PLAAT3: variants seen among roughly 807,000 people sequenced by gnomAD.
The protein encoded by PLAAT3 is phospholipase A and acyltransferase 3, also known as Ca-independent phospholipase A1/2.
PLAAT3 carries 21 observed loss-of-function variants against 16.7 expected under a neutral mutation model. The observed-to-expected ratio is 1.26, with a 90% CI of 0.89 to 1.81. PLAAT3 has a LOEUF of 1.81. PLAAT3 is among the 40% of genes most tolerant of loss of function. The pLI is 0.00. For missense variants in PLAAT3, 219 were observed against 213.7 expected, an observed-to-expected ratio of 1.02 and a Z score of -0.16; for synonymous variants, 76 against 81.7, an observed-to-expected ratio of 0.93 and a Z score of 0.38.
chr11:63,599,713 GA>G (rs146773613), intron 2 of PLAAT3, among the ~76,000 whole-genome samples: 4,226 of 147,018 alleles, frequency 0.029, 191 homozygotes, highest in African/African-American at 0.097. Context: ...TGTTTTCCAG[GA>G]AAAAAAAAAG....
At position 63,590,158 on chromosome 11, in the gene PLAAT3, C is replaced by T; in HGVS notation, c.329G>A (p.Ser110Asn). The T allele has an allele frequency of 6.2e-7, 1 of 1,614,254 alleles. No individual in the cohort carries two copies. The highest frequency in any genetic ancestry group is 8.5e-7 in the Non-Finnish European group (1 of 1,180,046). The change falls in exon 4 of 5, where the codon AGT becomes AAT. Residue 110 changes from serine (S) to asparagine (N), a missense_variant. Ser to Asn is a conservative substitution (Grantham distance 46). Transcript: ENST00000415826. ...VGQEVLYKLT[S>N]ENCEHFVNEL... ...ATTCACAAAGTGCTCGCAGTTCTCA[C>T]TGGTCAGCTTGTAGAGCACCTCCTG...
chr11:63,577,387 C>T (rs1590678670), intron 4 of PLAAT3, among the ~76,000 whole-genome samples: 1 of 152,022 alleles, frequency 6.6e-6, no homozygotes, highest in East Asian at 1.9e-4. Flanking sequence ...GGCCAGGCTG[C>T]TCTCGAACTC....
intron 3 of PLAAT3, among the ~76,000 whole-genome samples, chr11:63,594,364 A>C (rs1938229369): frequency 6.6e-6 from 1 of 152,154 alleles, no homozygotes; most frequent in South Asian, 2.1e-4. Context: ...ATTTAGGGAA[A>C]TGAGAGAGGA....
At chr11:63,611,862 G>A (rs1160340757) in intron 2 of PLAAT3, among the ~76,000 whole-genome samples, 1 of 152,242 alleles carries the variant, frequency 6.6e-6, no homozygotes, top group African/African-American at 2.4e-5. Context: ...TGATGGGCCG[G>A]GCGCGGTGGC....
chr11:63,605,177 C>G (rs1442712594), intron 2 of PLAAT3, among the ~76,000 whole-genome samples: 1 of 151,912 alleles, frequency 6.6e-6, no homozygotes, highest in Non-Finnish European at 1.5e-5. Flanking sequence ...GGTGGATCAC[C>G]TGAGGTCAAG....
At chr11:63,587,070 C>A (rs1215960872) in intron 4 of PLAAT3, among the ~76,000 whole-genome samples, 1 of 152,154 alleles carries the variant, frequency 6.6e-6, no homozygotes, top group Non-Finnish European at 1.5e-5. Flanking sequence ...GGTGACGAAA[C>A]AAGACTCTGT....
At chr11:63,611,530 T>A (rs560305652) in intron 2 of PLAAT3, among the ~76,000 whole-genome samples, 2 of 152,370 alleles carry the variant, frequency 1.3e-5, no homozygotes, top group African/African-American at 4.8e-5. Context: ...CACGCAGTTA[T>A]CAGTTCCTGA....
intron 4 of PLAAT3, among the ~76,000 whole-genome samples, chr11:63,577,669 A>G (rs1178649954): frequency 2.0e-5 from 3 of 152,240 alleles, no homozygotes; most frequent in Non-Finnish European, 1.5e-5. Flanking sequence ...ACCACTGGAG[A>G]ATAAGACAGC....
intron 3 of PLAAT3, among the ~76,000 whole-genome samples, chr11:63,594,393 G>T (rs1277673177): frequency 6.6e-6 from 1 of 152,072 alleles, no homozygotes; most frequent in Non-Finnish European, 1.5e-5. Flanking sequence ...CCACACAAGA[G>T]ACCAAAAAAG....
chr11:63,614,360 T>C, intron 1 of PLAAT3, 25 bp downstream of exon 1: 1 of 326,354 alleles, frequency 3.1e-6, no homozygotes, highest in South Asian at 6.7e-5. Context: ...TATCGCACCC[T>C]TCCAGGAAGA....
At chr11:63,581,718 G>GA (rs1473881331) in intron 4 of PLAAT3, among the ~76,000 whole-genome samples, 1 of 152,186 alleles carries the variant, frequency 6.6e-6, no homozygotes, top group Non-Finnish European at 1.5e-5. Flanking sequence ...AAAACTTGCT[G>GA]ATTTTGTGGC....
At position 63,574,957 on chromosome 11, in the gene PLAAT3, T is replaced by A. The variant is rs763585398; in HGVS notation, c.477A>T (p.Arg159=). 6.2e-7 allele frequency: 1 copy of A among 1,605,096 alleles called. No individual in the cohort carries two copies. Among genetic ancestry groups the A allele is most frequent in the South Asian group, 1.1e-5 (1 of 90,932 alleles). The part of the protein sequence containing the change: ...LIGVMFSRNK[R]QKQ ...CAGTCTTTTTCAGTTATTGCTTTTG[T>A]CGCTTGTTTCTTGAGAACATGACTC... Residue 159 remains arginine, a synonymous_variant, in exon 5 of 5, where the codon CGA becomes CGT. Transcript: ENST00000415826.
At chr11:63,606,462 A>ACACACACACACACACACACC (rs945885416) in intron 2 of PLAAT3, among the ~76,000 whole-genome samples, 1 of 136,498 alleles carries the variant, frequency 7.3e-6, no homozygotes, top group African/African-American at 3.1e-5. Context: ...ACACACACAC[A>ACACACACACACACACACACC]CCTTAGTAAA....
intron 4 of PLAAT3, among the ~76,000 whole-genome samples, chr11:63,589,409 CAAAGAAAAAA>C (rs1203762183): frequency 6.5e-5 from 2 of 30,750 alleles, no homozygotes; most frequent in Admixed American, 3.2e-4. Flanking sequence ...TTCACCTATG[CAAAGAAAAAA>C]AAAAAAAAAA....
At chr11:63,579,656 G>C (rs1937737514) in intron 4 of PLAAT3, among the ~76,000 whole-genome samples, 3 of 144,406 alleles carry the variant, frequency 2.1e-5, no homozygotes, top group African/African-American at 7.7e-5. Context: ...CTCACTCATA[G>C]GTGGGAATTG....
chr11:63,602,686 T>C (rs7115616), intron 2 of PLAAT3, among the ~76,000 whole-genome samples: 1 of 151,922 alleles, frequency 6.6e-6, no homozygotes, highest in Admixed American at 6.6e-5. Context: ...CATAATGCTT[T>C]AGTGGAACAT....
intron 4 of PLAAT3, among the ~76,000 whole-genome samples, chr11:63,578,476 A>C (rs1937688994): frequency 6.6e-6 from 1 of 152,204 alleles, no homozygotes; most frequent in Non-Finnish European, 1.5e-5. Flanking sequence ...TCTCAAAGCA[A>C]TTCTGGAAGC....
At chr11:63,590,035 C>T in intron 4 of PLAAT3, 65 bp downstream of exon 4, 3 of 1,515,600 alleles carry the variant, frequency 2.0e-6, no homozygotes, top group East Asian at 2.3e-5. Context: ...ATAGCCATGC[C>T]CAGCCTCCGT....
intron 3 of PLAAT3, among the ~76,000 whole-genome samples, chr11:63,597,427 G>A (rs1938317338): frequency 6.6e-6 from 1 of 152,172 alleles, no homozygotes; most frequent in Non-Finnish European, 1.5e-5. Context: ...TCAGGAGGCT[G>A]AGGCAGGAGA....
Sources: gnomAD v4.1 joint callset for allele counts (sites outside exome capture counted in the v4.1 genomes callset) on GRCh38, gnomAD v4.1.1 for gene constraint, MANE v1.5 for transcripts, NCBI Gene and HGNC (gene_info 2026-07-23, HGNC 2026-07-21) for gene names.